QKI: variants seen among roughly 807,000 people sequenced by gnomAD.
QKI encodes the protein QKI, KH domain containing RNA binding, also known as KH domain-containing RNA-binding protein QKI.
QKI carries 10 observed loss-of-function variants against 39.0 expected under a neutral mutation model. That is an observed-to-expected ratio of 0.26 (90% CI 0.16 to 0.43). QKI has a LOEUF of 0.43. Among genes scored for constraint, QKI ranks in the 20% least tolerant of loss-of-function variants. QKI has a pLI of 1.00. For synonymous variants in QKI, 204 were observed against 155.4 expected (o/e 1.31, Z -2.33); for missense variants, 218 against 428.0 (o/e 0.51, Z 4.33).
intron 3 of QKI, among the ~76,000 whole-genome samples, chr6:163,498,997 C>G (rs979546117): frequency 6.6e-6 from 1 of 152,066 alleles, no homozygotes; most frequent in African/African-American, 2.4e-5. Context: ...AAGGTAGTTT[C>G]ATACAGTATT....
chr6:163,415,200 G>A lies in QKI; in HGVS notation c.7G>A (p.Gly3Arg), dbSNP rs1468877127. ...GAGCTGCGGAGCCTGGAATATGGTC[G>A]GGGAAATGGAAACGAAGGAGAAGCC... MV[G>R]EMETKEKPKP... Residue 3 changes from glycine to arginine, a missense_variant, in exon 1 of 8, where the codon GGG (glycine) becomes AGG (arginine). Coordinates refer to ENST00000361752, the MANE Select transcript of QKI (RefSeq NM_006775.3). 2 of 1,576,394 alleles carry A rather than the reference G, an allele frequency of 1.3e-6. No individual in the cohort carries two copies. The highest frequency in any genetic ancestry group is 1.7e-5 in the Admixed American group (1 of 57,594).
intron 2 of QKI, among the ~76,000 whole-genome samples, chr6:163,467,852 T>A (rs901345317): frequency 2.4e-4 from 36 of 152,290 alleles, no homozygotes; most frequent in African/African-American, 7.9e-4. Flanking sequence ...AGTATGCTTC[T>A]CAATTTATGA....
At chr6:163,418,877 T>C (rs1438440500) in intron 1 of QKI, among the ~76,000 whole-genome samples, 1 of 152,136 alleles carries the variant, frequency 6.6e-6, no homozygotes, top group Non-Finnish European at 1.5e-5. Context: ...CAATCCTGTA[T>C]TAGGGGAAAA....
intron 1 of QKI, among the ~76,000 whole-genome samples, chr6:163,436,043 G>A (rs935294747): frequency 6.6e-6 from 1 of 152,146 alleles, no homozygotes; most frequent in Non-Finnish European, 1.5e-5. Flanking sequence ...GTGCATTGTA[G>A]TGTGTATTTT....
At chr6:163,501,966 T>G (rs1341408189) in intron 3 of QKI, among the ~76,000 whole-genome samples, 1 of 152,220 alleles carries the variant, frequency 6.6e-6, no homozygotes, top group African/African-American at 2.4e-5. Context: ...TTATGTGTCC[T>G]GTATGCTTTC....
chr6:163,555,426 G>A (rs1021660037), intron 4 of QKI, among the ~76,000 whole-genome samples: 2 of 145,042 alleles, frequency 1.4e-5, no homozygotes, highest in African/African-American at 5.1e-5. Flanking sequence ...CAGGAGAATC[G>A]CTTGAACCAG....
At chr6:163,516,539 C>T (rs1302398016) in intron 3 of QKI, among the ~76,000 whole-genome samples, 4 of 152,244 alleles carry the variant, frequency 2.6e-5, no homozygotes, top group South Asian at 2.1e-4. Context: ...GTGATCCACC[C>T]GCCTTGGCCT....
At chr6:163,533,137 CAA>C (rs538949181) in intron 3 of QKI, among the ~76,000 whole-genome samples, 2 of 135,822 alleles carry the variant, frequency 1.5e-5, no homozygotes, top group Non-Finnish European at 1.6e-5. Flanking sequence ...GGTCTCTCTC[CAA>C]AAAAAAAAAG....
At chr6:163,541,711 T>C (rs1781532815) in intron 4 of QKI, among the ~76,000 whole-genome samples, 1 of 152,052 alleles carries the variant, frequency 6.6e-6, no homozygotes, top group Non-Finnish European at 1.5e-5. Flanking sequence ...TGGTTTGGCA[T>C]CATTAAAAAG....
intron 3 of QKI, among the ~76,000 whole-genome samples, chr6:163,497,387 G>C (rs1349747814): frequency 6.6e-6 from 1 of 151,884 alleles, no homozygotes; most frequent in East Asian, 1.9e-4. Context: ...TTTTAAAATT[G>C]CTTTTAATAA....
intron 4 of QKI, among the ~76,000 whole-genome samples, chr6:163,551,039 T>G (rs1320300146): frequency 2.0e-5 from 3 of 152,096 alleles, no homozygotes; most frequent in Admixed American, 6.5e-5. Flanking sequence ...GTTATCTAAT[T>G]CATTGATTCC....
intron 6 of QKI, chr6:163,565,340 A>C (rs1042811530): frequency 3.0e-6 from 3 of 986,276 alleles, no homozygotes; most frequent in South Asian, 4.7e-5. Context: ...GACTTCCTGC[A>C]GGGCTGGGGC....
intron 3 of QKI, among the ~76,000 whole-genome samples, chr6:163,533,692 C>T (rs564708259): frequency 1.3e-5 from 2 of 152,100 alleles, no homozygotes; most frequent in Non-Finnish European, 2.9e-5. Flanking sequence ...CACACAGTGT[C>T]GGACAGATGG....
At chr6:163,520,959 A>C (rs2128237573) in intron 3 of QKI, among the ~76,000 whole-genome samples, 1 of 152,260 alleles carries the variant, frequency 6.6e-6, no homozygotes, top group Admixed American at 6.5e-5. Flanking sequence ...AGGTGATGTA[A>C]GTGTAGGAGA....
intron 3 of QKI, among the ~76,000 whole-genome samples, chr6:163,527,338 T>C (rs527425364): frequency 6.6e-6 from 1 of 152,296 alleles, no homozygotes; most frequent in South Asian, 2.1e-4. Context: ...GAGATGGTAA[T>C]ATGTCTAAGC....
At chr6:163,490,825 A>T (rs923560996) in intron 3 of QKI, among the ~76,000 whole-genome samples, 1 of 152,184 alleles carries the variant, frequency 6.6e-6, no homozygotes, top group South Asian at 2.1e-4. Flanking sequence ...AAGACAAATG[A>T]TCAAGTCTCA....
intron 2 of QKI, among the ~76,000 whole-genome samples, chr6:163,477,174 C>T (rs1184081088): frequency 6.6e-6 from 1 of 152,022 alleles, no homozygotes; most frequent in Non-Finnish European, 1.5e-5. Context: ...CACCACCAAG[C>T]CTGGCTAAGT....
In QKI at chr6:163,570,913, C is replaced by A; in HGVS notation, c.*203C>A. Reference sequence around the variant, plus strand: ...ACTCAGCTTTTTTTTTTTTTTTTTCCTGTTTGGGTGAAAGTGGTTCTAGAA... The same window carrying A: ...ACTCAGCTTTTTTTTTTTTTTTTTCATGTTTGGGTGAAAGTGGTTCTAGAA... On this transcript the variant is annotated 3_prime_UTR_variant, in exon 8 of 8. Coordinates refer to ENST00000361752, the MANE Select transcript of QKI (RefSeq NM_006775.3). 1.6e-6 allele frequency: 1 copy of A among 623,970 alleles called. No homozygotes were observed. 38.7% of individuals were successfully genotyped at this position (623,970 alleles called of 1,614,324 possible).
chr6:163,562,473 G>A (rs1223438606), intron 5 of QKI, among the ~76,000 whole-genome samples: 1 of 152,144 alleles, frequency 6.6e-6, no homozygotes, highest in Non-Finnish European at 1.5e-5. Flanking sequence ...ATGACCCTCT[G>A]TTGAGTTCTG....
Sources: allele counts gnomAD v4.1 joint callset (sites outside exome capture counted in the v4.1 genomes callset), GRCh38; gene constraint gnomAD v4.1.1; transcripts MANE v1.5; gene names NCBI Gene and HGNC (gene_info 2026-07-23, HGNC 2026-07-21).